The following DGKI variants were observed in gnomAD, a reference collection of about 807,000 sequenced individuals.
The protein encoded by DGKI is DAG kinase iota.
A neutral mutation model predicts 147.5 loss-of-function variants in DGKI; 55 were observed. That is an observed-to-expected ratio of 0.37 (90% CI 0.30 to 0.47). The LOEUF (loss-of-function observed/expected upper bound fraction) is 0.47, where lower values mean the gene tolerates loss of function less well. Among genes scored for constraint, DGKI ranks in the 20% least tolerant of loss-of-function variants. The pLI, the probability that DGKI is intolerant of heterozygous loss-of-function variation, is 1.00. For synonymous variants in DGKI, 469 were observed against 477.1 expected (o/e 0.98, Z 0.22); for missense variants, 1,007 against 1,323.8 (o/e 0.76, Z 3.71).
At chr7:137,439,567 ACCTGGCC>A (rs1441354998) in intron 28 of DGKI, among the ~76,000 whole-genome samples, 1 of 152,112 alleles carries the variant, frequency 6.6e-6, no homozygotes, top group African/African-American at 2.4e-5. Context: ...AATTATCTCT[ACCTGGCC>A]CCATCCTTGA....
intron 1 of DGKI, among the ~76,000 whole-genome samples, chr7:137,816,490 C>T (rs1031350378): frequency 1.3e-5 from 2 of 152,118 alleles, no homozygotes; most frequent in Non-Finnish European, 2.9e-5. Context: ...GAGTCTATGT[C>T]CAACTTACCA....
At chr7:137,802,979 C>G (rs1797260592) in intron 1 of DGKI, among the ~76,000 whole-genome samples, 1 of 152,026 alleles carries the variant, frequency 6.6e-6, no homozygotes, top group Non-Finnish European at 1.5e-5. Context: ...TAAAATAAGA[C>G]AAGCACTAAA....
At chr7:137,628,532 T>C (rs921044204) in intron 6 of DGKI, among the ~76,000 whole-genome samples, 1 of 152,178 alleles carries the variant, frequency 6.6e-6, no homozygotes, top group African/African-American at 2.4e-5. Flanking sequence ...AGATTCCCAA[T>C]TACTCATTTT....
chr7:137,772,373 C>T (rs1315542521), intron 1 of DGKI, among the ~76,000 whole-genome samples: 1 of 152,132 alleles, frequency 6.6e-6, no homozygotes, highest in South Asian at 2.1e-4. Context: ...GAGAGCTATT[C>T]GTGATTCACC....
At chr7:137,742,357 C>T (rs1795198196) in intron 1 of DGKI, among the ~76,000 whole-genome samples, 1 of 152,100 alleles carries the variant, frequency 6.6e-6, no homozygotes, top group Non-Finnish European at 1.5e-5. Flanking sequence ...CAAAATCCTT[C>T]CTAGGTAGGG....
intron 20 of DGKI, among the ~76,000 whole-genome samples, chr7:137,545,146 T>C (rs1318323270): frequency 6.6e-6 from 1 of 152,136 alleles, no homozygotes. Flanking sequence ...TCCTCATGCA[T>C]AGAAGGGAGA....
intron 6 of DGKI, among the ~76,000 whole-genome samples, chr7:137,638,311 T>C (rs1405000904): frequency 1.3e-5 from 2 of 151,346 alleles, no homozygotes; most frequent in African/African-American, 4.9e-5. Context: ...ATTTTGTTCA[T>C]GTTCCTCCTC....
intron 1 of DGKI, among the ~76,000 whole-genome samples, chr7:137,814,831 C>T (rs1044931465): frequency 1.3e-4 from 19 of 151,974 alleles, no homozygotes; most frequent in Admixed American, 2.6e-4. Context: ...ATGTATATCA[C>T]GTATATTTTA....
intron 10 of DGKI, among the ~76,000 whole-genome samples, chr7:137,607,670 A>G (rs1157783130): frequency 6.6e-6 from 1 of 152,182 alleles, no homozygotes; most frequent in East Asian, 1.9e-4. Flanking sequence ...TCCATGTTTC[A>G]GGGTTCCCAA....
intron 29 of DGKI, among the ~76,000 whole-genome samples, chr7:137,411,260 G>T (rs1199245180): frequency 2.0e-5 from 3 of 152,096 alleles, no homozygotes; most frequent in Admixed American, 6.5e-5. Flanking sequence ...GGGGCATATG[G>T]GCAGTCATCA....
intron 17 of DGKI, among the ~76,000 whole-genome samples, chr7:137,576,192 C>T (rs1406524863): frequency 6.6e-6 from 1 of 151,842 alleles, no homozygotes; most frequent in African/African-American, 2.4e-5. Flanking sequence ...CACATGCCAC[C>T]ACGCCTGCCT....
At chr7:137,518,642 C>A (rs1474457881) in intron 21 of DGKI, among the ~76,000 whole-genome samples, 2 of 152,006 alleles carry the variant, frequency 1.3e-5, no homozygotes, top group African/African-American at 2.4e-5. Context: ...AACCCTAGAT[C>A]TGTGTAAATT....
intron 21 of DGKI, among the ~76,000 whole-genome samples, chr7:137,500,668 A>G (rs1313536666): frequency 1.3e-5 from 2 of 152,132 alleles, no homozygotes; most frequent in Non-Finnish European, 2.9e-5. Flanking sequence ...GAATTGCCCA[A>G]AGCTTTATAA....
At chr7:137,472,143 G>GTA (rs1003446825) in intron 23 of DGKI, among the ~76,000 whole-genome samples, 1 of 116,932 alleles carries the variant, frequency 8.6e-6, no homozygotes, top group Non-Finnish European at 1.6e-5. Flanking sequence ...ATATATATGT[G>GTA]TATATACATA....
rs139961590 is a variant in DGKI at position 137,712,467 on chromosome 7, G to A, written c.402-22465C>T. Among the ~76,000 whole-genome samples the A allele has an allele frequency of 2.2e-4, 33 of 152,236 alleles. No individual in the cohort carries two copies. In the East Asian group the frequency reaches 3.3e-3, roughly 15 times the overall value. On this transcript the variant is annotated intron_variant, in intron 1 of 32. Coordinates refer to ENST00000614521, the MANE Select transcript of DGKI (RefSeq NM_001321708.2). ...AAATTCTAGTAATGATCTCAAGAAT[G>A]TGCAATAATAAAAATATTTTAAGCA...
chr7:137,571,332 T>C (rs1818787327), intron 18 of DGKI, 46 bp from the exon 19 acceptor site: 1 of 1,327,822 alleles, frequency 7.5e-7, no homozygotes, highest in African/African-American at 1.5e-5. Context: ...CCCATCCTTC[T>C]CATGACTATC....
intron 7 of DGKI, among the ~76,000 whole-genome samples, chr7:137,620,166 G>C (rs1327577426): frequency 6.6e-6 from 1 of 152,036 alleles, no homozygotes; most frequent in Non-Finnish European, 1.5e-5. Context: ...GGAGCTTAGA[G>C]ACCAGACTTC....
chr7:137,679,990 C>CA (rs768437551), intron 2 of DGKI, among the ~76,000 whole-genome samples: 5,091 of 51,994 alleles, frequency 0.098, 475 homozygotes, highest in African/African-American at 0.24. Flanking sequence ...GACTCCATCT[C>CA]AAAAAAAAAA....
rs565697987 is a variant in DGKI at position 137,539,945 on chromosome 7, G to A, written c.2147+12424C>T. On this transcript the variant is annotated intron_variant, in intron 20 of 32. Transcript: ENST00000614521. Reference sequence around the variant, plus strand: ...ACCTCACAGACATGAAAGAGAGAAAGAAATACAACAACTCTACATACATTA... The same window carrying A: ...ACCTCACAGACATGAAAGAGAGAAAAAAATACAACAACTCTACATACATTA... Among the ~76,000 whole-genome samples, 63 of 152,086 alleles carry A rather than the reference G, an allele frequency of 4.1e-4. 1 individual carries two copies. Among genetic ancestry groups the A allele is most frequent in the African/African-American group, 1.5e-3 (63 of 41,482 alleles).
Sources: allele counts gnomAD v4.1 joint callset (sites outside exome capture counted in the v4.1 genomes callset), GRCh38; gene constraint gnomAD v4.1.1; transcripts MANE v1.5; gene names NCBI Gene and HGNC (gene_info 2026-07-23, HGNC 2026-07-21).